The following XKR4 variants were observed in gnomAD, a reference collection of about 807,000 sequenced individuals.
XKR4 encodes XK-related protein 4.
In XKR4, 12 loss-of-function variants were observed where a neutral mutation model predicts 53.9. That is an observed-to-expected ratio of 0.22 (90% CI 0.14 to 0.36). The LOEUF (loss-of-function observed/expected upper bound fraction) is 0.36, where lower values mean the gene tolerates loss of function less well. Ranked by LOEUF, XKR4 falls within the 10% of genes least tolerant of loss-of-function variation. XKR4 has a pLI of 1.00. For synonymous variants in XKR4, 354 were observed against 362.4 expected (o/e 0.98, Z 0.26); for missense variants, 799 against 859.5 (o/e 0.93, Z 0.88).
At chr8:55,364,139 T>C (rs1255295112) in intron 2 of XKR4, among the ~76,000 whole-genome samples, 1 of 152,226 alleles carries the variant, frequency 6.6e-6, no homozygotes, top group Non-Finnish European at 1.5e-5. Context: ...AGGCAGCCTC[T>C]GCCTGAGCAG....
chr8:55,188,173 A>G (rs1292687557), intron 1 of XKR4, among the ~76,000 whole-genome samples: 1 of 152,224 alleles, frequency 6.6e-6, no homozygotes, highest in Non-Finnish European at 1.5e-5. Flanking sequence ...TTGAGTTACA[A>G]CTAGAATTAA....
intron 1 of XKR4, among the ~76,000 whole-genome samples, chr8:55,342,485 C>T (rs989578453): frequency 7.0e-4 from 107 of 152,108 alleles, no homozygotes; most frequent in East Asian, 3.9e-4. Context: ...CCATCTCACT[C>T]GCACAGTCCA....
intron 1 of XKR4, among the ~76,000 whole-genome samples, chr8:55,234,724 G>A (rs1157808958): frequency 2.0e-5 from 3 of 152,168 alleles, no homozygotes; most frequent in African/African-American, 7.2e-5. Context: ...GAATATTGTA[G>A]CAAATAGGGA....
At chr8:55,193,768 C>G (rs1222490814) in intron 1 of XKR4, among the ~76,000 whole-genome samples, 1 of 152,230 alleles carries the variant, frequency 6.6e-6, no homozygotes, top group Non-Finnish European at 1.5e-5. Context: ...GTCCCCAGAT[C>G]CCCTGCCACA....
In XKR4 at chr8:55,504,023, T is replaced by A. The variant is rs77839196; in HGVS notation, c.1007-19258T>A. Among the ~76,000 whole-genome samples, 1,482 of 152,272 alleles carry A rather than the reference T, an allele frequency of 9.7e-3. 22 individuals are homozygous for A. Among genetic ancestry groups the A allele is most frequent in the African/African-American group, 0.034 (1,400 of 41,556 alleles). On this transcript the variant is annotated intron_variant, in intron 2 of 2. Coordinates refer to ENST00000327381, the MANE Select transcript of XKR4 (RefSeq NM_052898.2). ...TGTATTACATTAATTAATTTTTATA[T>A]CTTAAATCATCCTTGTATTTCAGGA...
At chr8:55,149,943 T>A (rs1816819643) in intron 1 of XKR4, among the ~76,000 whole-genome samples, 1 of 152,158 alleles carries the variant, frequency 6.6e-6, no homozygotes, top group African/African-American at 2.4e-5. Flanking sequence ...TTGGAAAGGC[T>A]TGCCTTCAAA....
intron 1 of XKR4, among the ~76,000 whole-genome samples, chr8:55,277,311 T>C (rs571802456): frequency 6.6e-6 from 1 of 152,342 alleles, no homozygotes; most frequent in South Asian, 2.1e-4. Context: ...TACAATAGCA[T>C]ATTCACTGAT....
At chr8:55,502,819 A>G (rs556483800) in intron 2 of XKR4, among the ~76,000 whole-genome samples, 5 of 152,240 alleles carry the variant, frequency 3.3e-5, no homozygotes, top group Non-Finnish European at 7.4e-5. Context: ...CTTTTCCTCT[A>G]TATTTTCTTC....
At chr8:55,116,851 C>G (rs1471899907) in intron 1 of XKR4, among the ~76,000 whole-genome samples, 1 of 152,124 alleles carries the variant, frequency 6.6e-6, no homozygotes, top group Non-Finnish European at 1.5e-5. Context: ...TCTCCTCTTT[C>G]AGTAGGTGTG....
At chr8:55,453,739 G>A in intron 2 of XKR4, 1 of 389,646 alleles carries the variant, frequency 2.6e-6, no homozygotes, top group South Asian at 2.1e-5. Flanking sequence ...CCAAGTCTGG[G>A]TACAGGTTCT....
At chr8:55,210,918 C>A (rs1207803305) in intron 1 of XKR4, among the ~76,000 whole-genome samples, 3 of 152,224 alleles carry the variant, frequency 2.0e-5, no homozygotes, top group African/African-American at 7.2e-5. Flanking sequence ...TTGAGTTACT[C>A]CATGCTACTT....
rs574600957 is a variant in XKR4, at chr8:55,383,678, A to C, written c.1006+25801A>C. Among the ~76,000 whole-genome samples the C allele has an allele frequency of 2.6e-5, 4 of 152,250 alleles. No homozygotes were observed. The East Asian group carries it at 5.8e-4, about 22-fold the overall frequency. On this transcript the variant is annotated intron_variant, in intron 2 of 2. Transcript: ENST00000327381. ...ACAGTGTTCTAATTGTTCATGTATTAATTTCATTTAATCCTCCCAGTGGCC... is the reference window on the plus strand; with the variant it reads ...ACAGTGTTCTAATTGTTCATGTATTCATTTCATTTAATCCTCCCAGTGGCC...
intron 1 of XKR4, among the ~76,000 whole-genome samples, chr8:55,263,061 C>T (rs958697756): frequency 1.3e-5 from 2 of 152,214 alleles, no homozygotes; most frequent in Non-Finnish European, 2.9e-5. Context: ...CCACCCTGCT[C>T]TTTCTGCCTC....
chr8:55,273,196 C>T (rs1441976208), intron 1 of XKR4, among the ~76,000 whole-genome samples: 1 of 145,216 alleles, frequency 6.9e-6, no homozygotes, highest in Middle Eastern at 3.6e-3. Flanking sequence ...GTTGCTGCAC[C>T]CTCACTGACT....
intron 1 of XKR4, among the ~76,000 whole-genome samples, chr8:55,338,326 C>G (rs1350368853): frequency 6.6e-6 from 1 of 152,172 alleles, no homozygotes. Flanking sequence ...CCCTCCAAAG[C>G]CCAGCCTGTG....
At chr8:55,232,241 G>A (rs143180457) in intron 1 of XKR4, among the ~76,000 whole-genome samples, 77 of 152,302 alleles carry the variant, frequency 5.1e-4, no homozygotes, top group African/African-American at 1.8e-3. Context: ...GGGTGGGCAG[G>A]CAACTTGCCG....
At chr8:55,339,218 C>T (rs1345848821) in intron 1 of XKR4, among the ~76,000 whole-genome samples, 2 of 152,144 alleles carry the variant, frequency 1.3e-5, no homozygotes, top group African/African-American at 4.8e-5. Context: ...AGGGCATGAA[C>T]TTTGGAGGCC....
intron 1 of XKR4, among the ~76,000 whole-genome samples, chr8:55,245,628 G>A (rs1020821153): frequency 1.3e-5 from 2 of 152,070 alleles, no homozygotes; most frequent in Admixed American, 1.3e-4. Flanking sequence ...GTGCAAAGCA[G>A]AATTCTTAAA....
In XKR4 at chr8:55,523,951, C is replaced by A. The variant is rs140880948; in HGVS notation, c.1677C>A (p.Arg559=). The A allele has an allele frequency of 9.3e-3, 15,011 of 1,614,182 alleles. 102 individuals carry two copies. Among genetic ancestry groups the A allele is most frequent in the Non-Finnish European group, 0.012 (13,666 of 1,180,034 alleles). The change falls in exon 3 of 3, where the codon CGC becomes CGA. Residue 559 remains arginine, a synonymous_variant. Coordinates refer to ENST00000327381, the MANE Select transcript of XKR4 (RefSeq NM_052898.2). ...ISNNRSVVSD[R]DQKFAERDGC... ...ACAACCGCAGTGTTGTCAGCGACCG[C>A]GATCAGAAATTCGCAGAGCGGGATG...
Sources: gnomAD v4.1 joint callset for allele counts (sites outside exome capture counted in the v4.1 genomes callset) on GRCh38, gnomAD v4.1.1 for gene constraint, MANE v1.5 for transcripts, NCBI Gene and HGNC (gene_info 2026-07-23, HGNC 2026-07-21) for gene names.